CSMD1: variants seen among roughly 807,000 people sequenced by gnomAD.
CSMD1 encodes the protein CUB and Sushi multiple domains 1.
Under a neutral mutation model 417.5 loss-of-function variants are expected in CSMD1, and 213 were observed. The observed-to-expected ratio is 0.51, with a 90% confidence interval of 0.46 to 0.57. The LOEUF is 0.57. Ranked by LOEUF, CSMD1 falls within the 20% of genes least tolerant of loss-of-function variation. The probability of loss-of-function intolerance (pLI) is 0.00; values close to 1 mark genes in which losing one functional copy is unlikely to be tolerated. For missense variants in CSMD1, 6,923 were observed against 4,529.7 expected (o/e 1.53, Z -15.17); for synonymous variants, 2,862 against 1,736.8 (o/e 1.65, Z -16.11).
At chr8:4,042,085 G>A (rs12680399) in intron 3 of CSMD1, among the ~76,000 whole-genome samples, 16,414 of 152,012 alleles carry the variant, frequency 0.11, 1,461 homozygotes, top group East Asian at 0.38. Context: ...TGAAGGCAGG[G>A]AACACAAAGA....
intron 5 of CSMD1, among the ~76,000 whole-genome samples, chr8:3,944,125 G>C (rs1342198640): frequency 6.6e-6 from 1 of 152,086 alleles, no homozygotes; most frequent in South Asian, 2.1e-4. Context: ...ATTAATATTT[G>C]GGGAATCTTA....
chr8:3,978,070 C>A (rs1282884871), intron 5 of CSMD1, among the ~76,000 whole-genome samples: 3 of 152,154 alleles, frequency 2.0e-5, no homozygotes, highest in Non-Finnish European at 4.4e-5. Context: ...TGTACTGGAG[C>A]AACTGTGAAA....
At chr8:4,569,917 G>A (rs369518104) in intron 2 of CSMD1, among the ~76,000 whole-genome samples, 16 of 152,252 alleles carry the variant, frequency 1.1e-4, no homozygotes, top group African/African-American at 3.6e-4. Context: ...GTGAGTGGGT[G>A]TTCACTTATG....
At chr8:4,066,307 G>C (rs1472977941) in intron 3 of CSMD1, among the ~76,000 whole-genome samples, 1 of 152,132 alleles carries the variant, frequency 6.6e-6, no homozygotes, top group South Asian at 2.1e-4. Context: ...GTTTATGTCT[G>C]GCTCTTAAAG....
intron 54 of CSMD1, among the ~76,000 whole-genome samples, chr8:2,991,572 G>A (rs1423085322): frequency 3.3e-5 from 5 of 152,074 alleles, no homozygotes; most frequent in Non-Finnish European, 2.9e-5. Context: ...AACAGACGTG[G>A]TTCAAAATTG....
intron 51 of CSMD1, among the ~76,000 whole-genome samples, chr8:3,020,804 T>C (rs959824849): frequency 6.6e-6 from 1 of 152,194 alleles, no homozygotes. Context: ...CAGCACACTA[T>C]TGTTATTGAG....
At chr8:4,904,089 G>A (rs187091876) in intron 1 of CSMD1, among the ~76,000 whole-genome samples, 3 of 152,084 alleles carry the variant, frequency 2.0e-5, no homozygotes, top group Non-Finnish European at 2.9e-5. Flanking sequence ...AAAAGAACCA[G>A]GATAGGATAG....
chr8:4,942,009 TAC>T (rs1444451890), intron 1 of CSMD1, among the ~76,000 whole-genome samples: 1 of 152,232 alleles, frequency 6.6e-6, no homozygotes, highest in Admixed American at 6.5e-5. Flanking sequence ...ATCAAATCAT[TAC>T]AGTCTTCAAA....
At chr8:3,386,116 T>A (rs532142051) in intron 18 of CSMD1, among the ~76,000 whole-genome samples, 1 of 152,166 alleles carries the variant, frequency 6.6e-6, no homozygotes, top group Non-Finnish European at 1.5e-5. Context: ...CCATATTCCC[T>A]AGACAAATGG....
intron 57 of CSMD1, among the ~76,000 whole-genome samples, chr8:2,972,773 C>T (rs1804568857): frequency 6.6e-6 from 1 of 152,202 alleles, no homozygotes; most frequent in South Asian, 2.1e-4. Context: ...CAGTGATCTG[C>T]ATTGGTCCTG....
chr8:4,453,966 C>T (rs1052678832), intron 2 of CSMD1, among the ~76,000 whole-genome samples: 4 of 151,400 alleles, frequency 2.6e-5, no homozygotes, highest in Admixed American at 6.6e-5. Flanking sequence ...GGACTACAGG[C>T]GCCCGCCACC....
At chr8:3,627,093 A>G (rs576456013) in intron 7 of CSMD1, among the ~76,000 whole-genome samples, 171 of 152,294 alleles carry the variant, frequency 1.1e-3, no homozygotes, top group Non-Finnish European at 1.7e-3. Context: ...ATAGTTTAAC[A>G]TTGTAATTAA....
intron 3 of CSMD1, among the ~76,000 whole-genome samples, chr8:4,249,652 C>T (rs1389808420): frequency 6.6e-6 from 1 of 152,162 alleles, no homozygotes; most frequent in African/African-American, 2.4e-5. Context: ...TGGCTCTAGG[C>T]TTGAGAGCTG....
At chr8:4,543,958 T>C (rs1797523868) in intron 2 of CSMD1, among the ~76,000 whole-genome samples, 2 of 152,200 alleles carry the variant, frequency 1.3e-5, no homozygotes, top group Non-Finnish European at 2.9e-5. Context: ...TTAAGGTCTT[T>C]AGCCCATTTA....
intron 3 of CSMD1, among the ~76,000 whole-genome samples, chr8:4,208,705 T>C (rs888891204): frequency 2.6e-5 from 4 of 152,122 alleles, no homozygotes; most frequent in Non-Finnish European, 5.9e-5. Context: ...TGATTAAAAA[T>C]ATAGCAGAAT....
At chr8:4,322,529 T>G (rs1037530894) in intron 3 of CSMD1, among the ~76,000 whole-genome samples, 3 of 152,104 alleles carry the variant, frequency 2.0e-5, no homozygotes, top group African/African-American at 4.8e-5. Flanking sequence ...TATAAAAACA[T>G]AACATTTGAG....
chr8:3,465,400 C>G (rs993594723), intron 12 of CSMD1, among the ~76,000 whole-genome samples: 1 of 152,124 alleles, frequency 6.6e-6, no homozygotes, highest in Non-Finnish European at 1.5e-5. Context: ...CCCAAGCCTA[C>G]GAGCCCGGGA....
intron 2 of CSMD1, among the ~76,000 whole-genome samples, chr8:4,551,635 G>C (rs1182217757): frequency 1.3e-5 from 2 of 151,922 alleles, no homozygotes; most frequent in Non-Finnish European, 2.9e-5. Context: ...TTAACATACA[G>C]GACAATGTTG....
intron 4 of CSMD1, among the ~76,000 whole-genome samples, chr8:4,002,335 G>A (rs1350903043): frequency 1.3e-5 from 2 of 152,004 alleles, no homozygotes; most frequent in Non-Finnish European, 2.9e-5. Flanking sequence ...TAATTTCTCC[G>A]CTATTTTTGT....
Sources: gnomAD v4.1 joint callset for allele counts (sites outside exome capture counted in the v4.1 genomes callset) on GRCh38, gnomAD v4.1.1 for gene constraint, MANE v1.5 for transcripts, NCBI Gene and HGNC (gene_info 2026-07-23, HGNC 2026-07-21) for gene names.